ZNF208: variants seen among roughly 807,000 people sequenced by gnomAD.
ZNF208 encodes zinc finger protein 208.
A neutral mutation model predicts 12.1 loss-of-function variants in ZNF208; 10 were observed. That is an observed-to-expected ratio of 0.83 (90% CI 0.51 to 1.40). ZNF208 has a LOEUF of 1.40. Ranked by LOEUF, ZNF208 falls within the 40% of genes most tolerant of loss-of-function variation. ZNF208 has a pLI of 0.00. For synonymous variants in ZNF208, 497 were observed against 488.4 expected, an observed-to-expected ratio of 1.02 and a Z score of -0.23; for missense variants, 1,652 against 1,485.0, an observed-to-expected ratio of 1.11 and a Z score of -1.85.
chr19:21,945,670 T>G (rs1268142506), intron 4 of ZNF208, among the ~76,000 whole-genome samples: 1 of 152,200 alleles, frequency 6.6e-6, no homozygotes, highest in Non-Finnish European at 1.5e-5. Flanking sequence ...TAATTTGAAT[T>G]CAATTCCAAA....
intron 3 of ZNF208, among the ~76,000 whole-genome samples, chr19:21,985,075 A>G (rs1439333351): frequency 1.3e-5 from 2 of 152,214 alleles, no homozygotes; most frequent in Non-Finnish European, 2.9e-5. Flanking sequence ...TCAGTTTTAA[A>G]AAAGCAGAAA....
chr19:21,971,949 A>AG lies in ZNF208; in HGVS notation c.3084dup (p.Tyr1029LeufsTer4). ...GCTTTGTCACATTCTTCACATTTGT[A>AG]GGGTGTCTCTCCAGTGTGAATTTTC... is the stretch of plus-strand genomic sequence containing the variant. On this transcript the variant is annotated frameshift_variant, in exon 4 of 4. Coordinates refer to ENST00000397126, the MANE Select transcript of ZNF208 (RefSeq NM_007153.3). LOFTEE classifies it low-confidence loss of function (END_TRUNC). 6.3e-7 allele frequency: 1 copy of AG among 1,576,680 alleles called. No homozygotes were observed. The highest frequency in any genetic ancestry group is 8.6e-7 in the Non-Finnish European group (1 of 1,156,658).
In ZNF208 at chr19:21,967,263, G is replaced by A. The variant is rs1258095387; in HGVS notation, c.*3928C>T. 6.6e-6 allele frequency: 1 copy of A among 151,002 alleles called. No individual in the cohort carries two copies. Among genetic ancestry groups the A allele is most frequent in the Non-Finnish European group, 1.5e-5 (1 of 67,784 alleles). 9.4% of individuals were successfully genotyped at this position (151,002 alleles called of 1,614,324 possible). ...GGTAGTACAGTTTTCTTCCACATAT[G>A]ACTAACCAGTTTTCCCAGTATTACT... On this transcript the variant is annotated 3_prime_UTR_variant, in exon 4 of 4. Coordinates refer to ENST00000397126, the MANE Select transcript of ZNF208 (RefSeq NM_007153.3).
At chr19:21,986,088 C>A (rs1484602823) in intron 3 of ZNF208, among the ~76,000 whole-genome samples, 1 of 152,178 alleles carries the variant, frequency 6.6e-6, no homozygotes. Context: ...GAGGTGTTTA[C>A]TCCTTCAAAT....
chr19:22,000,924 C>T (rs771756640), intron 1 of ZNF208, among the ~76,000 whole-genome samples: 9 of 151,996 alleles, frequency 5.9e-5, no homozygotes, highest in South Asian at 4.1e-4. Flanking sequence ...AACAAACAAA[C>T]GAAATCTAGA....
intron 4 of ZNF208, among the ~76,000 whole-genome samples, chr19:21,947,398 C>T (rs574674908): frequency 6.6e-6 from 1 of 152,302 alleles, no homozygotes; most frequent in African/African-American, 2.4e-5. Flanking sequence ...AAAACCCAAA[C>T]CTCCTTCTAA....
intron 4 of ZNF208, chr19:21,941,076 C>T (rs754423881): frequency 1.3e-5 from 4 of 307,166 alleles, no homozygotes; most frequent in Non-Finnish European, 1.2e-5. Context: ...GCAGAGGAGG[C>T]GGTAGCCGTG....
At chr19:21,947,467 C>A (rs1219753178) in intron 4 of ZNF208, among the ~76,000 whole-genome samples, 1 of 152,078 alleles carries the variant, frequency 6.6e-6, no homozygotes, top group Non-Finnish European at 1.5e-5. Flanking sequence ...TTTACAGCAC[C>A]CCTAGTGGAA....
At chr19:22,000,976 T>C (rs999042429) in intron 1 of ZNF208, among the ~76,000 whole-genome samples, 17 of 152,084 alleles carry the variant, frequency 1.1e-4, no homozygotes, top group African/African-American at 4.1e-4. Context: ...CTCCCAAGAC[T>C]GAACACACAC....
chr19:21,940,661 C>T (rs1015760912), intron 4 of ZNF208: 3 of 152,552 alleles, frequency 2.0e-5, no homozygotes, highest in African/African-American at 4.8e-5. Context: ...CTGTCCTCCC[C>T]GCGGTGGCAG....
chr19:21,989,259 C>T (rs1309199259), intron 1 of ZNF208, among the ~76,000 whole-genome samples: 2 of 120,596 alleles, frequency 1.7e-5, no homozygotes, highest in African/African-American at 3.1e-5. Context: ...CACAACAGTC[C>T]CCAGACTGTG....
At chr19:22,006,000 A>G (rs1971038020) in intron 1 of ZNF208, among the ~76,000 whole-genome samples, 2 of 152,166 alleles carry the variant, frequency 1.3e-5, no homozygotes, top group Admixed American at 6.5e-5. Context: ...TCTCATTAAA[A>G]AAATCAGCTG....
chr19:21,995,221 G>T (rs1465613413), intron 1 of ZNF208, among the ~76,000 whole-genome samples: 1 of 151,942 alleles, frequency 6.6e-6, no homozygotes, highest in African/African-American at 2.4e-5. Context: ...CAAAGTGCTG[G>T]GATTACAGGT....
chr19:22,005,059 C>T (rs1215863126), intron 1 of ZNF208, among the ~76,000 whole-genome samples: 1 of 152,098 alleles, frequency 6.6e-6, no homozygotes, highest in Admixed American at 6.5e-5. Flanking sequence ...GATTATGAAC[C>T]CTAGGCTGGT....
chr19:22,010,243 T>C (rs2145592372), intron 1 of ZNF208, among the ~76,000 whole-genome samples: 1 of 152,280 alleles, frequency 6.6e-6, no homozygotes. Context: ...CCTAACCAAT[T>C]ATTGAATGTG....
intron 3 of ZNF208, among the ~76,000 whole-genome samples, chr19:21,977,366 A>G (rs1481879973): frequency 1.3e-5 from 2 of 152,182 alleles, no homozygotes; most frequent in African/African-American, 4.8e-5. Context: ...TGCGTTTCCA[A>G]CTGAGGTACT....
chr19:22,005,188 A>G (rs1191535372), intron 1 of ZNF208, among the ~76,000 whole-genome samples: 1 of 152,220 alleles, frequency 6.6e-6, no homozygotes, highest in African/African-American at 2.4e-5. Flanking sequence ...ATGCTGTGGT[A>G]AAATTCCTGA....
intron 3 of ZNF208, among the ~76,000 whole-genome samples, chr19:21,984,424 G>A (rs1458274895): frequency 2.0e-5 from 3 of 151,922 alleles, no homozygotes; most frequent in Non-Finnish European, 2.9e-5. Flanking sequence ...TTGGTGGCAC[G>A]CACCTGTAGT....
chr19:21,964,608 AATG>A (rs1970132819), downstream of ZNF208, among the ~76,000 whole-genome samples: 2 of 151,760 alleles, frequency 1.3e-5, no homozygotes. Flanking sequence ...GGATTCTAAC[AATG>A]ATATCTCTCA....
Sources: allele counts gnomAD v4.1 joint callset (sites outside exome capture counted in the v4.1 genomes callset), GRCh38; gene constraint gnomAD v4.1.1; transcripts MANE v1.5; gene names NCBI Gene and HGNC (gene_info 2026-07-23, HGNC 2026-07-21).